The following CBR4 variants were observed in gnomAD, a reference collection of about 807,000 sequenced individuals.
CBR4 encodes the protein carbonyl reductase 4, also known as 3-oxoacyl-[acyl-carrier-protein] reductase.
In CBR4, 22 loss-of-function variants were observed where a neutral mutation model predicts 21.0. The observed-to-expected ratio is 1.05, with a 90% CI of 0.75 to 1.50. CBR4 has a LOEUF of 1.50. CBR4 is among the 40% of genes most tolerant of loss of function. CBR4 has a pLI of 0.00. For missense variants in CBR4, 302 were observed against 286.3 expected (o/e 1.05, Z -0.40); for synonymous variants, 100 against 104.4 (o/e 0.96, Z 0.26).
At chr4:169,003,840 C>T (rs964902270) in intron 3 of CBR4, among the ~76,000 whole-genome samples, 1 of 152,016 alleles carries the variant, frequency 6.6e-6, no homozygotes, top group Non-Finnish European at 1.5e-5. Flanking sequence ...TAAACTATCG[C>T]AAGGACAAAA....
intron 2 of CBR4, chr4:168,924,571 T>C: frequency 3.7e-6 from 3 of 813,672 alleles, no homozygotes; most frequent in East Asian, 2.7e-5. Flanking sequence ...AAACCATGCG[T>C]TACCCAATGT....
intron 2 of CBR4, chr4:168,925,048 G>A: frequency 6.2e-7 from 1 of 1,614,102 alleles, no homozygotes; most frequent in Non-Finnish European, 8.5e-7. Flanking sequence ...AGCAGGGATT[G>A]TGTCCTGTAC....
intron 2 of CBR4, among the ~76,000 whole-genome samples, chr4:168,944,287 TA>T (rs890210111): frequency 5.9e-5 from 9 of 151,566 alleles, no homozygotes; most frequent in African/African-American, 1.9e-4. Flanking sequence ...TCTCTAAAAA[TA>T]AAGAAATAAA....
chr4:168,936,451 G>A (rs1391850611), intron 2 of CBR4, among the ~76,000 whole-genome samples: 1 of 152,168 alleles, frequency 6.6e-6, no homozygotes, highest in Non-Finnish European at 1.5e-5. Flanking sequence ...ACTGACAGAA[G>A]TAGGCTTCAG....
At chr4:168,947,090 TCATAGA>T (rs909016221) in intron 2 of CBR4, among the ~76,000 whole-genome samples, 35 of 152,128 alleles carry the variant, frequency 2.3e-4, no homozygotes, top group African/African-American at 8.2e-4. Context: ...TCTACATGCC[TCATAGA>T]CATAGAGTTT....
intron 4 of CBR4, among the ~76,000 whole-genome samples, chr4:168,997,601 T>A (rs1366741274): frequency 6.6e-6 from 1 of 152,124 alleles, no homozygotes; most frequent in Non-Finnish European, 1.5e-5. Context: ...CTCAAAAAAA[T>A]TTTTAAACAA....
rs115706077 is a variant in CBR4, at chr4:168,975,049, A to G, written n.169+27022T>C. ...ATTTGGGTAGATTGTTTCAGTGGAA[A>G]GATCTGGGACTCAATGGCTGCTGTT... On this transcript the variant is annotated intron_variant and non_coding_transcript_variant, in intron 2 of 3. Transcript: ENST00000509108. Among the ~76,000 whole-genome samples the G allele has an allele frequency of 9.4e-3, 1,427 of 152,304 alleles. 15 individuals carry two copies. The highest frequency in any genetic ancestry group is 0.02 in the Middle Eastern group (6 of 294).
chr4:168,926,527 A>C, intron 2 of CBR4: 1 of 615,376 alleles, frequency 1.6e-6, no homozygotes, highest in Admixed American at 3.1e-5. Flanking sequence ...TATTTTTCTT[A>C]CTTGATATAC....
chr4:168,994,903 C>A (rs1365881307), intron 4 of CBR4, among the ~76,000 whole-genome samples: 5 of 152,040 alleles, frequency 3.3e-5, no homozygotes, highest in Non-Finnish European at 2.9e-5. Flanking sequence ...TACACGCATG[C>A]ATCACCACAC....
chr4:168,994,321 C>T (rs530796074), intron 4 of CBR4, among the ~76,000 whole-genome samples: 1 of 152,334 alleles, frequency 6.6e-6, no homozygotes, highest in Non-Finnish European at 1.5e-5. Flanking sequence ...GTTTTCCACC[C>T]TGGGTGGGCC....
intron 2 of CBR4, among the ~76,000 whole-genome samples, chr4:168,932,545 G>C (rs1306995173): frequency 6.6e-6 from 1 of 152,140 alleles, no homozygotes; most frequent in Admixed American, 6.5e-5. Flanking sequence ...CCCAAGTTTT[G>C]GAAAAGAGAT....
intron 2 of CBR4, among the ~76,000 whole-genome samples, chr4:168,967,369 T>C (rs1366004349): frequency 6.6e-6 from 1 of 151,458 alleles, no homozygotes; most frequent in African/African-American, 2.4e-5. Flanking sequence ...GGTTGGGGGC[T>C]GGGGAAAGGA....
At chr4:169,006,499 A>C (rs183423944) in intron 3 of CBR4, among the ~76,000 whole-genome samples, 1 of 152,196 alleles carries the variant, frequency 6.6e-6, no homozygotes, top group Non-Finnish European at 1.5e-5. Context: ...ATGAAGCTGG[A>C]TATCATTTAT....
intron 2 of CBR4, among the ~76,000 whole-genome samples, chr4:168,944,560 G>A (rs528268308): frequency 1.2e-4 from 18 of 152,014 alleles, no homozygotes; most frequent in Middle Eastern, 3.4e-3. Context: ...TCTGAGTCGC[G>A]CAACCTTATT....
rs575477989 is a variant in CBR4, at chr4:168,967,731, G to A, written n.169+34340C>T. 5.9e-5 allele frequency among the ~76,000 whole-genome samples: 9 copies of A among 151,942 alleles called. No individual in the cohort carries two copies. The South Asian group carries it at 1.5e-3, about 25-fold the overall frequency. On this transcript the variant is annotated intron_variant and non_coding_transcript_variant, in intron 2 of 3. Coordinates refer to the CBR4 transcript ENST00000509108. ...GGTGGATGGGGAGTAGGCAAGAGGGGGTACTAAAAAGTGTATCTCAAACAA... is the reference window on the plus strand; with the variant it reads ...GGTGGATGGGGAGTAGGCAAGAGGGAGTACTAAAAAGTGTATCTCAAACAA...
chr4:168,936,200 A>G (rs1440718005), intron 2 of CBR4, among the ~76,000 whole-genome samples: 4 of 152,258 alleles, frequency 2.6e-5, no homozygotes, highest in Non-Finnish European at 5.9e-5. Context: ...CCTGACTGTT[A>G]GAAGGAAAAC....
intron 3 of CBR4, among the ~76,000 whole-genome samples, chr4:169,004,266 T>C (rs1169925495): frequency 6.6e-6 from 1 of 152,126 alleles, no homozygotes; most frequent in Non-Finnish European, 1.5e-5. Flanking sequence ...AGCAACAAAG[T>C]ATTTACATTT....
chr4:168,907,108 G>A (rs542830708), intron 2 of CBR4, among the ~76,000 whole-genome samples: 1 of 151,584 alleles, frequency 6.6e-6, no homozygotes. Context: ...TTCCTCCCTC[G>A]TAAAATGAGG....
chr4:168,898,610 A>G, intron 2 of CBR4: 1 of 1,613,988 alleles, frequency 6.2e-7, no homozygotes, highest in Non-Finnish European at 8.5e-7. Context: ...GCCTGTGGAA[A>G]ATGGAATGGC....
Sources: gnomAD v4.1 joint callset for allele counts (sites outside exome capture counted in the v4.1 genomes callset) on GRCh38, gnomAD v4.1.1 for gene constraint, MANE v1.5 for transcripts, NCBI Gene and HGNC (gene_info 2026-07-23, HGNC 2026-07-21) for gene names.